CCPG1: variants seen among roughly 807,000 people sequenced by gnomAD.
CCPG1 encodes the protein cell cycle progression 1.
CCPG1 carries 46 observed loss-of-function variants against 81.3 expected under a neutral mutation model. The observed-to-expected ratio is 0.57, with a 90% CI of 0.45 to 0.72. The LOEUF is 0.72. Among genes scored for constraint, CCPG1 ranks in the 30% least tolerant of loss-of-function variants. The pLI, the probability that CCPG1 is intolerant of heterozygous loss-of-function variation, is 0.00. For synonymous variants in CCPG1, 330 were observed against 305.2 expected (o/e 1.08, Z -0.85); for missense variants, 902 against 937.6 (o/e 0.96, Z 0.50).
intron 1 of CCPG1, among the ~76,000 whole-genome samples, chr15:55,406,662 T>A (rs2057230897): frequency 6.6e-6 from 1 of 151,684 alleles, no homozygotes; most frequent in South Asian, 2.1e-4. Flanking sequence ...CTCGAACTCC[T>A]GACCTCAGGT....
chr15:55,386,896 C>G (rs201008659), intron 2 of CCPG1, among the ~76,000 whole-genome samples: 1 of 143,486 alleles, frequency 7.0e-6, no homozygotes, highest in African/African-American at 2.6e-5. Flanking sequence ...GACTCCATCT[C>G]AAAAAAAAAA....
intron 8 of CCPG1, chr15:55,357,872 A>G (rs529799349): frequency 6.6e-5 from 10 of 152,302 alleles, no homozygotes; most frequent in African/African-American, 1.4e-4. Flanking sequence ...AAAATAATTC[A>G]TAAGTTTTCA....
At chr15:55,381,009 C>T (rs1410685879) in intron 3 of CCPG1, among the ~76,000 whole-genome samples, 6 of 151,938 alleles carry the variant, frequency 3.9e-5, no homozygotes, top group African/African-American at 1.5e-4. Flanking sequence ...TGGTGGTGGG[C>T]ACCTGTAGTC....
chr15:55,378,567 C>T (rs775665768), intron 3 of CCPG1, among the ~76,000 whole-genome samples, 191 bp from the exon 4 acceptor site: 13 of 151,740 alleles, frequency 8.6e-5, no homozygotes, highest in Admixed American at 7.2e-4. Flanking sequence ...TTGAAACTGT[C>T]AGGTGATAAT....
At chr15:55,374,792 A>G (rs1165203628) in intron 5 of CCPG1, among the ~76,000 whole-genome samples, 1 of 152,062 alleles carries the variant, frequency 6.6e-6, no homozygotes, top group East Asian at 1.9e-4. Flanking sequence ...TACCACAGGC[A>G]GCTAATCCCA....
chr15:55,401,433 G>A (rs188802245), intron 1 of CCPG1, among the ~76,000 whole-genome samples: 1 of 152,130 alleles, frequency 6.6e-6, no homozygotes, highest in Non-Finnish European at 1.5e-5. Context: ...TTGGGAGGCC[G>A]AGGCGGGTGA....
At chr15:55,397,238 A>AC (rs2057038513) in intron 1 of CCPG1, among the ~76,000 whole-genome samples, 1 of 151,542 alleles carries the variant, frequency 6.6e-6, no homozygotes. Context: ...AAAAAAAAAA[A>AC]CCCACAAGAT....
chr15:55,356,876 C>T (rs1187923528), intron 8 of CCPG1: 1 of 985,920 alleles, frequency 1.0e-6, no homozygotes, highest in African/African-American at 1.7e-5. Context: ...TCCGTCACTA[C>T]TTCACTGGAA....
At chr15:55,378,183 G>T (rs1251700964) in intron 4 of CCPG1, 117 bp downstream of exon 4, 1 of 583,648 alleles carries the variant, frequency 1.7e-6, no homozygotes, top group Non-Finnish European at 2.9e-6. Flanking sequence ...TAACTTAGAA[G>T]TCAAAATTGC....
intron 1 of CCPG1, among the ~76,000 whole-genome samples, chr15:55,392,821 T>A (rs369999235): frequency 6.6e-6 from 1 of 152,192 alleles, no homozygotes; most frequent in Non-Finnish European, 1.5e-5. Context: ...CTGGTCAGAT[T>A]TGGCCAGGTG....
At chr15:55,399,703 TTATC>T (rs1486337866) in intron 1 of CCPG1, 2 of 152,136 alleles carry the variant, frequency 1.3e-5, no homozygotes, top group Admixed American at 6.6e-5. Flanking sequence ...GTAATTCAAA[TTATC>T]TAGGTAAAAG....
intron 4 of CCPG1, 56 bp from the exon 5 acceptor site, chr15:55,377,206 A>G: frequency 4.9e-6 from 6 of 1,232,578 alleles, no homozygotes; most frequent in East Asian, 2.3e-5. Flanking sequence ...AGGGTCTTAC[A>G]TTTTCTTAGA....
chr15:55,393,175 C>T (rs746308043), intron 1 of CCPG1, among the ~76,000 whole-genome samples: 1 of 152,120 alleles, frequency 6.6e-6, no homozygotes. Flanking sequence ...TGGCGGCTTG[C>T]ACCTGTAACA....
intron 6 of CCPG1, among the ~76,000 whole-genome samples, chr15:55,368,468 AC>A (rs2056377042): frequency 5.3e-5 from 8 of 152,110 alleles, no homozygotes; most frequent in Admixed American, 2.0e-4. Flanking sequence ...GTGCTCTATA[AC>A]TTAGCATCTA....
chr15:55,374,692 G>A (rs969008289), intron 5 of CCPG1, among the ~76,000 whole-genome samples: 4 of 152,086 alleles, frequency 2.6e-5, no homozygotes, highest in African/African-American at 7.2e-5. Flanking sequence ...GTGCAGTGGC[G>A]CAATCTTGGC....
chr15:55,392,015 G>A (rs1323049962), intron 1 of CCPG1, among the ~76,000 whole-genome samples: 11 of 124,352 alleles, frequency 8.8e-5, no homozygotes, highest in Admixed American at 2.6e-4. Flanking sequence ...CAAACAAAAC[G>A]ATTTCTGATT....
rs2057133566 is a variant in CCPG1 at position 55,401,699 on chromosome 15, CAT to C, written c.-10+6520_-10+6521del. 2.0e-5 allele frequency among the ~76,000 whole-genome samples: 3 copies of C among 150,428 alleles called. No homozygotes were observed. In the South Asian group the frequency reaches 6.3e-4, roughly 31 times the overall value. The stretch of plus-strand genomic sequence containing the variant: ...AAAAAAACCACTACTACCCTATAAA[CAT>C]AGAGGCAAAGATGAAAGAGACTGCA... On this transcript the variant is annotated intron_variant, in intron 1 of 8. Coordinates refer to ENST00000442196, the MANE Select transcript of CCPG1 (RefSeq NM_001204450.2).
rs868445543 is a variant in CCPG1 at position 55,377,053 on chromosome 15, A to G, written c.350T>C (p.Ile117Thr). Residue 117 changes from isoleucine (I) to threonine (T), a missense_variant, in exon 5 of 9, where the codon ATT (isoleucine) becomes ACT (threonine). Ile to Thr is a moderately conservative substitution (Grantham distance 89). This residue lies in a region of CCPG1 where 746 missense variants were observed against 728.6 expected (regional missense o/e 1.02). Transcript: ENST00000442196. ...VTLEPPKLEEIGNQEVVIVEE... is the reference protein window; with the variant it reads ...VTLEPPKLEETGNQEVVIVEE... ...AACAATGACAACTTCTTGATTTCCA[A>G]TTTCTTCTAACTTAGGTGGCTCAAG... is the stretch of plus-strand genomic sequence containing the variant. The G allele has an allele frequency of 8.7e-6, 14 of 1,613,696 alleles. No homozygotes were observed. In the African/African-American group the frequency reaches 1.2e-4, roughly 14 times the overall value.
chr15:55,359,213 A>C, intron 8 of CCPG1: 1 of 1,013,950 alleles, frequency 9.9e-7, no homozygotes, highest in Non-Finnish European at 1.2e-6. Flanking sequence ...AAATAATTTC[A>C]CTTAAGGTGA....
Sources: gnomAD v4.1 joint callset for allele counts (sites outside exome capture counted in the v4.1 genomes callset) on GRCh38, gnomAD v4.1.1 for gene constraint, gnomAD v4.1.1 regional missense constraint, MANE v1.5 for transcripts, NCBI Gene and HGNC (gene_info 2026-07-23, HGNC 2026-07-21) for gene names.